Variants in CDH20 observed in about 807,000 individuals in gnomAD.
The protein encoded by CDH20 is cadherin-20.
CDH20 carries 29 observed loss-of-function variants against 74.2 expected under a neutral mutation model. The observed-to-expected ratio is 0.39, with a 90% CI of 0.29 to 0.53. The LOEUF (loss-of-function observed/expected upper bound fraction) is 0.53. Ranked by LOEUF, CDH20 falls within the 20% of genes least tolerant of loss-of-function variation. The pLI, the probability that CDH20 is intolerant of heterozygous loss-of-function variation, is 0.69. For synonymous variants in CDH20, 469 were observed against 405.4 expected, an observed-to-expected ratio of 1.16 and a Z score of -1.88; for missense variants, 988 against 1,048.3, an observed-to-expected ratio of 0.94 and a Z score of 0.79.
intron 1 of CDH20, among the ~76,000 whole-genome samples, chr18:61,348,999 G>A (rs192119775): frequency 7.9e-5 from 12 of 152,262 alleles, no homozygotes; most frequent in Non-Finnish European, 1.3e-4. Flanking sequence ...ATGTGTTGGA[G>A]GAAGTATATT....
chr18:61,543,613 C>T (rs1291331417), intron 9 of CDH20, among the ~76,000 whole-genome samples: 1 of 152,178 alleles, frequency 6.6e-6, no homozygotes, highest in Non-Finnish European at 1.5e-5. Flanking sequence ...GCCACCTGAC[C>T]TCCTGCTCTC....
chr18:61,464,352 T>C (rs1410238447), intron 1 of CDH20, among the ~76,000 whole-genome samples: 1 of 152,114 alleles, frequency 6.6e-6, no homozygotes, highest in Non-Finnish European at 1.5e-5. Context: ...CAATTCTTAT[T>C]ATTTTTCCTG....
chr18:61,375,808 C>T (rs1911204016), intron 1 of CDH20, among the ~76,000 whole-genome samples: 1 of 152,032 alleles, frequency 6.6e-6, no homozygotes, highest in South Asian at 2.1e-4. Flanking sequence ...TATCAGGAAC[C>T]AGAACAACCA....
intron 1 of CDH20, among the ~76,000 whole-genome samples, chr18:61,426,223 AAGAG>A (rs1222771781): frequency 6.6e-6 from 1 of 152,118 alleles, no homozygotes; most frequent in Non-Finnish European, 1.5e-5. Context: ...AAATGGGAAA[AAGAG>A]AGCCCCTTTT....
intron 1 of CDH20, among the ~76,000 whole-genome samples, chr18:61,394,213 G>A (rs980194581): frequency 2.6e-5 from 4 of 152,108 alleles, no homozygotes; most frequent in Non-Finnish European, 4.4e-5. Context: ...TCAAATGCGA[G>A]TGGCCAGGAG....
chr18:61,478,495 T>C (rs1433800973), intron 1 of CDH20, among the ~76,000 whole-genome samples: 1 of 152,242 alleles, frequency 6.6e-6, no homozygotes, highest in Non-Finnish European at 1.5e-5. Context: ...AATCTTTCCC[T>C]ACCTTTCTTA....
At chr18:61,432,714 A>C (rs991167840) in intron 1 of CDH20, among the ~76,000 whole-genome samples, 5 of 152,142 alleles carry the variant, frequency 3.3e-5, no homozygotes, top group Non-Finnish European at 7.4e-5. Flanking sequence ...ACAGTCTTAC[A>C]GCCATCTGAG....
chr18:61,369,244 C>T (rs908294339), intron 1 of CDH20, among the ~76,000 whole-genome samples: 3 of 152,062 alleles, frequency 2.0e-5, no homozygotes, highest in Non-Finnish European at 4.4e-5. Flanking sequence ...AGGTCAAATA[C>T]TTGTAGGGGT....
chr18:61,398,451 T>C (rs1912057325), intron 1 of CDH20, among the ~76,000 whole-genome samples: 2 of 152,192 alleles, frequency 1.3e-5, no homozygotes, highest in Admixed American at 6.5e-5. Context: ...AATTAGAAGA[T>C]TAAATGATAA....
intron 1 of CDH20, among the ~76,000 whole-genome samples, chr18:61,355,674 A>G (rs1272435631): frequency 1.3e-5 from 2 of 152,232 alleles, no homozygotes; most frequent in East Asian, 3.8e-4. Flanking sequence ...ACAAGTAAAT[A>G]TAAACAAAAA....
intron 1 of CDH20, among the ~76,000 whole-genome samples, chr18:61,347,565 AAAACAC>A (rs1477175815): frequency 4.1e-5 from 6 of 147,434 alleles, no homozygotes; most frequent in African/African-American, 1.6e-4. Flanking sequence ...CACACACACA[AAAACAC>A]AAAAACACAA....
intron 1 of CDH20, among the ~76,000 whole-genome samples, chr18:61,376,918 A>C (rs1449168149): frequency 1.3e-5 from 2 of 152,152 alleles, no homozygotes; most frequent in Admixed American, 1.3e-4. Context: ...AGGTAAACTG[A>C]AGGATTCTTC....
intron 1 of CDH20, among the ~76,000 whole-genome samples, chr18:61,379,489 A>G (rs1911361402): frequency 6.6e-6 from 1 of 152,204 alleles, no homozygotes; most frequent in South Asian, 2.1e-4. Context: ...TTCTCTTTCT[A>G]GGCTCCACAA....
At chr18:61,391,959 G>T (rs529104975) in intron 1 of CDH20, among the ~76,000 whole-genome samples, 6 of 151,980 alleles carry the variant, frequency 3.9e-5, no homozygotes, top group Non-Finnish European at 8.8e-5. Flanking sequence ...TGGTCCTCCA[G>T]CCTCCTCTCA....
chr18:61,488,669 T>C (rs1910852264), intron 1 of CDH20, among the ~76,000 whole-genome samples: 1 of 152,174 alleles, frequency 6.6e-6, no homozygotes, highest in South Asian at 2.1e-4. Context: ...ATACAGAATA[T>C]TGCTTTTATG....
intron 6 of CDH20, among the ~76,000 whole-genome samples, chr18:61,526,711 A>C (rs968472493): frequency 6.6e-6 from 1 of 152,192 alleles, no homozygotes; most frequent in Non-Finnish European, 1.5e-5. Context: ...AAAATTCTGA[A>C]GATAGGAATA....
At chr18:61,512,065 G>T (rs1911802123) in intron 6 of CDH20, among the ~76,000 whole-genome samples, 2 of 152,148 alleles carry the variant, frequency 1.3e-5, no homozygotes, top group African/African-American at 4.8e-5. Flanking sequence ...TGAAACAAAA[G>T]TTCTGCTTTT....
intron 1 of CDH20, among the ~76,000 whole-genome samples, chr18:61,488,524 G>T (rs1283415072): frequency 1.3e-5 from 2 of 152,128 alleles, no homozygotes; most frequent in African/African-American, 4.8e-5. Flanking sequence ...AGAATTATTG[G>T]CCCTGCTTAA....
At chr18:61,491,766 G>T (rs577506255) in intron 2 of CDH20, among the ~76,000 whole-genome samples, 2 of 152,056 alleles carry the variant, frequency 1.3e-5, no homozygotes, top group African/African-American at 4.8e-5. Flanking sequence ...TGCTTCTCAA[G>T]ACCTCTCTAC....
Sources: allele counts gnomAD v4.1 joint callset (sites outside exome capture counted in the v4.1 genomes callset), GRCh38; gene constraint gnomAD v4.1.1; transcripts MANE v1.5; gene names NCBI Gene and HGNC (gene_info 2026-07-23, HGNC 2026-07-21).